Variants in FAM13A observed in about 807,000 individuals in gnomAD.
FAM13A encodes family with sequence similarity 13 member A.
A neutral mutation model predicts 129.6 loss-of-function variants in FAM13A; 76 were observed. The observed-to-expected ratio is 0.59, with a 90% confidence interval of 0.49 to 0.71. FAM13A has a LOEUF of 0.71. Ranked by LOEUF, FAM13A falls within the 30% of genes least tolerant of loss-of-function variation. The pLI, the probability that FAM13A is intolerant of heterozygous loss-of-function variation, is 0.00. For missense variants in FAM13A, 1,108 were observed against 1,249.3 expected (o/e 0.89, Z 1.70); for synonymous variants, 443 against 449.9 (o/e 0.98, Z 0.20).
chr4:88,899,778 C>G (rs1461941816), intron 6 of FAM13A, among the ~76,000 whole-genome samples: 1 of 152,010 alleles, frequency 6.6e-6, no homozygotes, highest in Non-Finnish European at 1.5e-5. Flanking sequence ...TGGGTGGAGG[C>G]TGAGATGGCT....
chr4:88,746,807 TC>T, intron 19 of FAM13A, 124 bp downstream of exon 19: 1 of 666,722 alleles, frequency 1.5e-6, no homozygotes, highest in South Asian at 1.9e-5. Flanking sequence ...TATACTAACC[TC>T]CTTTATCCTA....
intron 21 of FAM13A, among the ~76,000 whole-genome samples, chr4:88,735,885 G>A (rs1738883907): frequency 6.6e-6 from 1 of 152,020 alleles, no homozygotes; most frequent in South Asian, 2.1e-4. Flanking sequence ...GGATAAGAAT[G>A]GGAAAAATGT....
At chr4:89,052,605 T>C (rs1024461918) in intron 1 of FAM13A, among the ~76,000 whole-genome samples, 100 of 152,008 alleles carry the variant, frequency 6.6e-4, no homozygotes, top group African/African-American at 2.3e-3. Flanking sequence ...AAACTGCCTT[T>C]GGGGTAATTC....
intron 7 of FAM13A, among the ~76,000 whole-genome samples, chr4:88,828,328 G>C (rs1341175520): frequency 6.6e-6 from 1 of 152,046 alleles, no homozygotes; most frequent in Non-Finnish European, 1.5e-5. Context: ...GTAGAGATGA[G>C]GTTCTTACTA....
chr4:89,038,495 G>A (rs1016082064), intron 1 of FAM13A, among the ~76,000 whole-genome samples: 5 of 151,920 alleles, frequency 3.3e-5, no homozygotes, highest in African/African-American at 7.3e-5. Flanking sequence ...AATGGGACAC[G>A]TCCACAAGAC....
intron 23 of FAM13A, among the ~76,000 whole-genome samples, chr4:88,730,834 C>A (rs1388356295): frequency 6.6e-6 from 1 of 152,188 alleles, no homozygotes; most frequent in Non-Finnish European, 1.5e-5. Context: ...TGAAGTCTCA[C>A]TCTATTGCCC....
At chr4:88,844,284 G>A (rs1736294562) in intron 7 of FAM13A, among the ~76,000 whole-genome samples, 1 of 152,120 alleles carries the variant, frequency 6.6e-6, no homozygotes, top group South Asian at 2.1e-4. Context: ...AGTCAGGTAG[G>A]AAATAATAGT....
intron 7 of FAM13A, among the ~76,000 whole-genome samples, chr4:88,816,457 T>C (rs769929850): frequency 6.6e-6 from 1 of 152,216 alleles, no homozygotes. Flanking sequence ...TAGTCTCCAA[T>C]TCAGCAAGTA....
intron 4 of FAM13A, among the ~76,000 whole-genome samples, chr4:88,966,043 TC>T (rs1435970386): frequency 6.6e-6 from 1 of 152,204 alleles, no homozygotes; most frequent in Non-Finnish European, 1.5e-5. Context: ...TTGAGACCCT[TC>T]TTTCAACTCT....
At chr4:88,910,654 CTTT>C (rs201111714) in intron 5 of FAM13A, among the ~76,000 whole-genome samples, 1 of 142,726 alleles carries the variant, frequency 7.0e-6, no homozygotes, top group Admixed American at 7.0e-5. Context: ...GGTTTTAATT[CTTT>C]TTTTTTTTTT....
intron 7 of FAM13A, among the ~76,000 whole-genome samples, chr4:88,821,552 G>A (rs1301810166): frequency 6.6e-6 from 1 of 152,090 alleles, no homozygotes; most frequent in African/African-American, 2.4e-5. Context: ...AATTATTAGA[G>A]CATCACATGG....
chr4:88,884,806 A>G (rs1232539611), intron 6 of FAM13A, among the ~76,000 whole-genome samples: 3 of 152,188 alleles, frequency 2.0e-5, no homozygotes, highest in Non-Finnish European at 2.9e-5. Flanking sequence ...AAGTTTCAGG[A>G]AACAAAATTA....
chr4:88,737,492 A>C lies in FAM13A; in HGVS notation c.2626T>G (p.Ser876Ala), dbSNP rs1416356513. 6.2e-7 allele frequency: 1 copy of C among 1,614,094 alleles called. No homozygotes were observed. The highest frequency in any genetic ancestry group is 1.1e-5 in the South Asian group (1 of 91,082). ...TTCACCTTTATCTCCTTGAAGAAGG[A>C]AGCAGTTTCGCCCTCGATAATTGGC... ...LQPIIEGETA[S>A]FFKEIKEEEE... Residue 876 changes from serine to alanine, a missense_variant, in exon 21 of 24, where the codon TCC becomes GCC. Physicochemically the swap from Ser to Ala is moderately conservative, Grantham distance 99. Coordinates refer to ENST00000264344, the MANE Select transcript of FAM13A (RefSeq NM_014883.4).
Position 89,029,669 on chromosome 4 carries a change from A to T in FAM13A, c.28-20T>A, listed in dbSNP as rs1768433899. 2 of 1,570,306 alleles carry T rather than the reference A, an allele frequency of 1.3e-6. No individual in the cohort carries two copies. The highest frequency in any genetic ancestry group is 1.4e-5 in the African/African-American group (1 of 71,982). ...ACTTTGCTTAAAGGAGCGTAAGAAA[A>T]AAGAGCAGTCAGTCATATTTACCAC... is the stretch of plus-strand genomic sequence containing the variant. On this transcript the variant is annotated intron_variant, in intron 1 of 23. Coordinates refer to ENST00000264344, the MANE Select transcript of FAM13A (RefSeq NM_014883.4).
chr4:88,971,885 A>G (rs1393976228), intron 4 of FAM13A, among the ~76,000 whole-genome samples: 13 of 152,206 alleles, frequency 8.5e-5, no homozygotes, highest in Admixed American at 8.5e-4. Context: ...ATGAGAATAT[A>G]AAGAAAACTT....
intron 3 of FAM13A, among the ~76,000 whole-genome samples, chr4:89,012,091 G>T (rs1765810328): frequency 6.6e-6 from 1 of 152,044 alleles, no homozygotes; most frequent in Non-Finnish European, 1.5e-5. Flanking sequence ...TATTAGAGAA[G>T]AATTTTCCAC....
At position 88,827,351 on chromosome 4, in the gene FAM13A, G is replaced by A. The variant is rs558640507; in HGVS notation, c.1008-22299C>T. Among the ~76,000 whole-genome samples, 325 of 152,198 alleles carry A rather than the reference G, an allele frequency of 2.1e-3. 3 individuals carry two copies. The highest frequency in any genetic ancestry group is 6.7e-3 in the African/African-American group (279 of 41,516). On this transcript the variant is annotated intron_variant, in intron 7 of 23. Transcript: ENST00000264344. ...AATACACGCATTCAATAAATTGGGC[G>A]CTGCAATTACACCTCTGGGGGCTGG...
At chr4:89,015,922 A>G (rs766831961) in intron 3 of FAM13A, among the ~76,000 whole-genome samples, 3 of 152,192 alleles carry the variant, frequency 2.0e-5, no homozygotes, top group Non-Finnish European at 2.9e-5. Context: ...ACATACATAT[A>G]TACGTGTATG....
chr4:88,990,788 T>C (rs1264928656), intron 4 of FAM13A, 185 bp downstream of exon 4: 8 of 482,310 alleles, frequency 1.7e-5, no homozygotes, highest in South Asian at 9.5e-5. Flanking sequence ...AAAAAGGGCA[T>C]AGCTACCTTC....
Sources: gnomAD v4.1 joint callset for allele counts (sites outside exome capture counted in the v4.1 genomes callset) on GRCh38, gnomAD v4.1.1 for gene constraint, MANE v1.5 for transcripts, NCBI Gene and HGNC (gene_info 2026-07-23, HGNC 2026-07-21) for gene names.